The following RPH3A variants were observed in gnomAD, a reference collection of about 807,000 sequenced individuals.
The protein encoded by RPH3A is rabphilin-3A.
RPH3A carries 48 observed loss-of-function variants against 102.2 expected under a neutral mutation model. The ratio of observed to expected loss-of-function variants is 0.47; its 90% CI spans 0.37 to 0.60. The LOEUF (loss-of-function observed/expected upper bound fraction) is 0.60, where lower values mean the gene tolerates loss of function less well. Among genes scored for constraint, RPH3A ranks in the 20% least tolerant of loss-of-function variants. The probability of loss-of-function intolerance (pLI) is 0.00; values close to 1 mark genes in which losing one functional copy is unlikely to be tolerated. For synonymous variants in RPH3A, 310 were observed against 324.3 expected, an observed-to-expected ratio of 0.96 and a Z score of 0.47; for missense variants, 781 against 910.1, an observed-to-expected ratio of 0.86 and a Z score of 1.83.
At chr12:112,749,034 C>A (rs2040767649) in intron 1 of RPH3A, among the ~76,000 whole-genome samples, 1 of 152,294 alleles carries the variant, frequency 6.6e-6, no homozygotes, top group Admixed American at 6.5e-5. Flanking sequence ...TGTTCACTCT[C>A]CATCCCTTCA....
intron 1 of RPH3A, among the ~76,000 whole-genome samples, chr12:112,671,936 A>G (rs2040134809): frequency 6.6e-6 from 1 of 151,706 alleles, no homozygotes; most frequent in Non-Finnish European, 1.5e-5. Context: ...ATATATATGT[A>G]TGTATGTATG....
Position 112,577,745 on chromosome 12 carries a change from G to C in RPH3A, c.-140+2426G>C, listed in dbSNP as rs1222166128. 1.5e-4 allele frequency among the ~76,000 whole-genome samples: 22 copies of C among 144,828 alleles called. 1 individual carries two copies. The highest frequency in any genetic ancestry group is 7.5e-5 in the Non-Finnish European group (5 of 66,306). ...TTTTGTAGAGATGGGGCCTCACTTT[G>C]TTGGGCAGGCTGGTCTTGAACTCCT... On this transcript the variant is annotated intron_variant, in intron 1 of 21. Transcript: ENST00000543106.
intron 1 of RPH3A, among the ~76,000 whole-genome samples, chr12:112,673,692 A>G (rs2040151680): frequency 1.3e-5 from 2 of 152,140 alleles, no homozygotes. Flanking sequence ...AAACAATCCA[A>G]TCACACTCTT....
At chr12:112,891,230 G>A (rs1472679528) in intron 19 of RPH3A, 6 of 562,170 alleles carry the variant, frequency 1.1e-5, no homozygotes, top group Non-Finnish European at 1.6e-5. Context: ...AAGCTCTGTG[G>A]CTCTGTCCTC....
At chr12:112,878,687 T>C (rs193144989) in intron 13 of RPH3A, among the ~76,000 whole-genome samples, 1 of 152,326 alleles carries the variant, frequency 6.6e-6, no homozygotes, top group East Asian at 1.9e-4. Flanking sequence ...GAGATATGGA[T>C]AACGAGAAGG....
intron 5 of RPH3A, among the ~76,000 whole-genome samples, chr12:112,851,409 A>G (rs1460801810): frequency 6.6e-6 from 1 of 152,178 alleles, no homozygotes. Flanking sequence ...TGGAGGGGAC[A>G]TTTTGAGAGC....
chr12:112,665,451 C>G (rs1042331249), intron 1 of RPH3A, among the ~76,000 whole-genome samples: 1 of 152,154 alleles, frequency 6.6e-6, no homozygotes, highest in Admixed American at 6.5e-5. Flanking sequence ...GTTCTATTTA[C>G]TAGAAATCGA....
At chr12:112,722,338 C>T (rs1395120356) in intron 1 of RPH3A, among the ~76,000 whole-genome samples, 4 of 152,192 alleles carry the variant, frequency 2.6e-5, no homozygotes, top group Non-Finnish European at 5.9e-5. Context: ...GGGCCAAATA[C>T]AAATTCTTAT....
In RPH3A at chr12:112,746,780, C is replaced by T. The variant is rs149985547; in HGVS notation, c.-139-45363C>T. ...TCTGTCTCCGGCAGTTTCTCTGCCT[C>T]GTGCTCTCTGTGTCTCTGTTTCTGC... On this transcript the variant is annotated intron_variant, in intron 1 of 21. Coordinates refer to the RPH3A transcript ENST00000543106. 1.2e-3 allele frequency among the ~76,000 whole-genome samples: 182 copies of T among 152,256 alleles called. 1 individual carries two copies. The highest frequency in any genetic ancestry group is 2.3e-3 in the Non-Finnish European group (154 of 68,022).
chr12:112,868,283 G>T, intron 7 of RPH3A, 147 bp from the exon 8 acceptor site: 1 of 763,930 alleles, frequency 1.3e-6, no homozygotes, highest in East Asian at 2.7e-5. Context: ...TATGAATTGT[G>T]CAGGGCTCTG....
At chr12:112,845,839 A>C (rs1339435937) in intron 4 of RPH3A, among the ~76,000 whole-genome samples, 3 of 152,194 alleles carry the variant, frequency 2.0e-5, no homozygotes, top group Non-Finnish European at 2.9e-5. Context: ...TTTAAAAGAT[A>C]ACTTCAGCTA....
chr12:112,791,934 G>A lies in RPH3A; in HGVS notation c.-218G>A, dbSNP rs2041125766. 1 of 144,544 alleles carries A rather than the reference G, an allele frequency of 6.9e-6. No homozygotes were observed. The highest frequency in any genetic ancestry group is 1.5e-5 in the Non-Finnish European group (1 of 66,410). 9.0% of individuals were successfully genotyped at this position (144,544 alleles called of 1,614,324 possible). A position where few individuals can be genotyped will look rare whatever the true frequency, so the allele number is the denominator to read the frequency against. On this transcript the variant is annotated 5_prime_UTR_variant, in exon 1 of 22. The change creates a premature stop within an existing upstream ORF in the 5' untranslated region. Transcript: ENST00000389385. Reference sequence around the variant, plus strand: ...ACAGAGCTAAAACCTTCATCCATGTGGAGGACAGTCTGAGGGAGCCACTGT... The same window carrying A: ...ACAGAGCTAAAACCTTCATCCATGTAGAGGACAGTCTGAGGGAGCCACTGT...
At chr12:112,690,619 A>G (rs912045394) in intron 1 of RPH3A, among the ~76,000 whole-genome samples, 1 of 152,154 alleles carries the variant, frequency 6.6e-6, no homozygotes, top group Non-Finnish European at 1.5e-5. Context: ...AGAAGAACAC[A>G]CCTATTAGAA....
intron 1 of RPH3A, among the ~76,000 whole-genome samples, chr12:112,703,006 A>G (rs890833565): frequency 6.6e-6 from 1 of 152,192 alleles, no homozygotes; most frequent in Non-Finnish European, 1.5e-5. Context: ...GCTCTAGCCA[A>G]CAGAATGACT....
chr12:112,810,462 G>C (rs2041551960), intron 2 of RPH3A, among the ~76,000 whole-genome samples: 1 of 152,186 alleles, frequency 6.6e-6, no homozygotes, highest in African/African-American at 2.4e-5. Context: ...TATCTGATCA[G>C]ACTTCAGAAA....
chr12:112,602,548 C>T (rs2039566843), intron 1 of RPH3A, among the ~76,000 whole-genome samples: 1 of 152,164 alleles, frequency 6.6e-6, no homozygotes, highest in Non-Finnish European at 1.5e-5. Flanking sequence ...AGGGGCAGGG[C>T]TAAGACAAGT....
chr12:112,817,659 A>G (rs1331260709), intron 2 of RPH3A, among the ~76,000 whole-genome samples: 1 of 151,792 alleles, frequency 6.6e-6, no homozygotes, highest in African/African-American at 2.4e-5. Context: ...GACTTTTAAT[A>G]CTGCCACCTC....
intron 1 of RPH3A, among the ~76,000 whole-genome samples, chr12:112,731,172 G>A (rs1177906885): frequency 1.3e-5 from 2 of 150,090 alleles, no homozygotes; most frequent in Non-Finnish European, 3.0e-5. Flanking sequence ...AAGTTCTATA[G>A]TTCATTTCAT....
intron 2 of RPH3A, among the ~76,000 whole-genome samples, chr12:112,821,043 G>A (rs1433218970): frequency 6.6e-6 from 1 of 152,184 alleles, no homozygotes; most frequent in Non-Finnish European, 1.5e-5. Context: ...TGTCCCAGCT[G>A]GCTCTAGGAA....
Sources: allele counts gnomAD v4.1 joint callset (sites outside exome capture counted in the v4.1 genomes callset), GRCh38; gene constraint gnomAD v4.1.1; transcripts MANE v1.5; gene names NCBI Gene and HGNC (gene_info 2026-07-23, HGNC 2026-07-21).